The following EFTUD2 variants were observed in gnomAD, a reference collection of about 807,000 sequenced individuals.
EFTUD2 encodes the protein 116 kDa U5 small nuclear ribonucleoprotein component.
Under a neutral mutation model 114.3 loss-of-function variants are expected in EFTUD2, and 9 were observed. That is an observed-to-expected ratio of 0.08 (90% CI 0.05 to 0.14). The LOEUF is 0.14. Among genes scored for constraint, EFTUD2 ranks in the 10% least tolerant of loss-of-function variants. The pLI is 1.00. For synonymous variants in EFTUD2, 449 were observed against 462.3 expected (o/e 0.97, Z 0.37); for missense variants, 765 against 1,241.2 (o/e 0.62, Z 5.76).
chr17:44,887,513 T>C (rs2051195977), intron 2 of EFTUD2, among the ~76,000 whole-genome samples: 1 of 152,204 alleles, frequency 6.6e-6, no homozygotes. Flanking sequence ...ATACTTGCTA[T>C]AGGTATATAC....
intron 3 of EFTUD2, among the ~76,000 whole-genome samples, chr17:44,886,267 T>TCC (rs2051171017): frequency 2.6e-5 from 4 of 152,080 alleles, no homozygotes; most frequent in African/African-American, 7.2e-5. Context: ...ATACATATTA[T>TCC]GAGAACTGGT....
At chr17:44,874,863 T>C (rs1310286570) in intron 10 of EFTUD2, among the ~76,000 whole-genome samples, 2 of 152,256 alleles carry the variant, frequency 1.3e-5, no homozygotes, top group African/African-American at 4.8e-5. Flanking sequence ...AGCTGCTACA[T>C]TGCAAGCACT....
chr17:44,872,455 C>T lies in EFTUD2; in HGVS notation c.985G>A (p.Asp329Asn), dbSNP rs969190009. The change falls in exon 11 of 28, where the codon GAC (aspartate) becomes AAC (asparagine). Residue 329 changes from aspartate (D) to asparagine (N), a missense_variant. This residue lies in a region of EFTUD2 where 251 missense variants were observed against 357.7 expected (regional missense o/e 0.70). Transcript: ENST00000426333. The stretch of plus-strand genomic sequence containing the variant: ...GCCAGCCAGCGCTTACCAAAGGTGT[C>T]GGCATAGATCTTGGCAAAGGAGCCC... Reference protein sequence around the residue: ...TLGSFAKIYADTFGDINYQEF... With the variant: ...TLGSFAKIYANTFGDINYQEF... The T allele has an allele frequency of 9.9e-6, 16 of 1,612,370 alleles. No homozygotes were observed. Among genetic ancestry groups the T allele is most frequent in the East Asian group, 2.2e-5 (1 of 44,772 alleles).
Position 44,851,721 on chromosome 17 carries a change from G to T in EFTUD2, c.2812C>A (p.Arg938Ser). 1 of 1,570,554 alleles carries T rather than the reference G, an allele frequency of 6.4e-7. No homozygotes were observed. The highest frequency in any genetic ancestry group is 1.9e-5 in the Admixed American group (1 of 52,504). The change falls in exon 27 of 28, where the codon CGC becomes AGC. Residue 938 changes from arginine to serine, a missense_variant. By Grantham distance (110) the Arg-to-Ser change is moderately radical (BLOSUM62 -1). Around this residue, in one of 6 missense-constraint regions of EFTUD2, gnomAD observed 166 missense variants for 401.5 expected, o/e 0.41. Transcript: ENST00000426333. ...HLAREFMIKTRRRKGLSEDVS... is the reference protein window; with the variant it reads ...HLAREFMIKTSRRKGLSEDVS... ...CAAGGGAGACATACCTTCCTACGGC[G>T]GGTTTTGATCATGAATTCCCGGGCC...
intron 14 of EFTUD2, 55 bp from the exon 15 acceptor site, chr17:44,863,837 A>T: frequency 6.2e-7 from 1 of 1,600,864 alleles, no homozygotes; most frequent in Non-Finnish European, 8.5e-7. Flanking sequence ...GAGCACGAGC[A>T]GGAGTTACTG....
intron 13 of EFTUD2, chr17:44,865,346 G>A: frequency 3.0e-6 from 1 of 330,716 alleles, no homozygotes; most frequent in Non-Finnish European, 5.5e-6. Context: ...TGTCTGAAAA[G>A]CAGCATCTCC....
chr17:44,859,760 G>A (rs1597794875), intron 18 of EFTUD2, 145 bp downstream of exon 18: 1 of 1,324,714 alleles, frequency 7.5e-7, no homozygotes, highest in East Asian at 2.5e-5. Flanking sequence ...GCCTTGACAT[G>A]ACAGCCATAG....
chr17:44,879,910 A>C (rs750812443), intron 8 of EFTUD2, among the ~76,000 whole-genome samples: 1 of 152,098 alleles, frequency 6.6e-6, no homozygotes, highest in African/African-American at 2.4e-5. Flanking sequence ...AGCTTAGCCT[A>C]ATCAGCAGTA....
At chr17:44,890,744 A>AT (rs2051265173) in intron 2 of EFTUD2, among the ~76,000 whole-genome samples, 4 of 152,308 alleles carry the variant, frequency 2.6e-5, no homozygotes, top group Admixed American at 2.6e-4. Context: ...AGGAGGCTAT[A>AT]ACCCTCATTC....
intron 9 of EFTUD2, among the ~76,000 whole-genome samples, chr17:44,877,774 C>G (rs1360768579): frequency 1.1e-4 from 16 of 151,748 alleles, no homozygotes; most frequent in Admixed American, 1.1e-3. Context: ...CCACTGCACT[C>G]CAGCCTGGGC....
chr17:44,863,492 C>A (rs947154870), intron 15 of EFTUD2, 163 bp downstream of exon 15: 5 of 945,984 alleles, frequency 5.3e-6, no homozygotes, highest in Non-Finnish European at 7.8e-6. Context: ...GGTCATAGCA[C>A]TAGCGGTGGC....
chr17:44,867,922 T>A (rs775209556), intron 12 of EFTUD2, 25 bp from the exon 13 acceptor site: 31 of 1,557,174 alleles, frequency 2.0e-5, no homozygotes, highest in Non-Finnish European at 2.6e-5. Context: ...AAGTTCTGAG[T>A]GACCCAGGGG....
chr17:44,873,267 G>C (rs1597808158), intron 10 of EFTUD2: 1 of 152,142 alleles, frequency 6.6e-6, no homozygotes, highest in Non-Finnish European at 1.5e-5. Flanking sequence ...GCTCCCTAGA[G>C]GCAACTGCTT....
At chr17:44,895,683 GT>G (rs1242478994) in intron 1 of EFTUD2, 1 of 152,126 alleles carries the variant, frequency 6.6e-6, no homozygotes, top group East Asian at 1.9e-4. Context: ...CTCACCATGT[GT>G]AATTCCTACA....
chr17:44,879,788 C>A, intron 8 of EFTUD2, 150 bp from the exon 9 acceptor site: 1 of 726,470 alleles, frequency 1.4e-6, no homozygotes, highest in African/African-American at 1.8e-5. Context: ...TAAAAATATC[C>A]CCCATTAGTG....
chr17:44,899,282 T>C (rs889803451), intron 1 of EFTUD2, 87 bp downstream of exon 1: 6 of 152,376 alleles, frequency 3.9e-5, no homozygotes, highest in African/African-American at 1.2e-4. Flanking sequence ...GCCAATAGCA[T>C]ATAAGGCCCC....
At chr17:44,896,150 C>A (rs1487143605) in intron 1 of EFTUD2, among the ~76,000 whole-genome samples, 1 of 152,098 alleles carries the variant, frequency 6.6e-6, no homozygotes, top group Non-Finnish European at 1.5e-5. Context: ...GTTTGCCAGG[C>A]CTCTCCATTG....
At chr17:44,883,465 C>T (rs1465266473) in intron 5 of EFTUD2, 184 bp downstream of exon 5, 4 of 643,346 alleles carry the variant, frequency 6.2e-6, no homozygotes, top group East Asian at 5.4e-5. Flanking sequence ...TAGGAACAGG[C>T]TCCACCTGCT....
chr17:44,883,877 C>T (rs955088530), intron 4 of EFTUD2, 153 bp from the exon 5 acceptor site: 1 of 668,774 alleles, frequency 1.5e-6, no homozygotes, highest in African/African-American at 1.8e-5. Context: ...ACTTACATAG[C>T]TCTGGCTTTG....
Sources: gnomAD v4.1 joint callset for allele counts (sites outside exome capture counted in the v4.1 genomes callset) on GRCh38, gnomAD v4.1.1 for gene constraint, gnomAD v4.1.1 regional missense constraint, MANE v1.5 for transcripts, NCBI Gene and HGNC (gene_info 2026-07-23, HGNC 2026-07-21) for gene names.